Variants in ATP5PB observed in about 807,000 individuals in gnomAD.
ATP5PB encodes ATP synthase peripheral stalk subunit b, mitochondrial.
ATP5PB carries 21 observed loss-of-function variants against 34.5 expected under a neutral mutation model. That is an observed-to-expected ratio of 0.61 (90% CI 0.43 to 0.88). The LOEUF (loss-of-function observed/expected upper bound fraction) is 0.88, where lower values mean the gene tolerates loss of function less well. Ranked by LOEUF, ATP5PB falls within the 40% of genes least tolerant of loss-of-function variation. ATP5PB has a pLI of 0.00. For missense variants in ATP5PB, 293 were observed against 317.4 expected, an observed-to-expected ratio of 0.92 and a Z score of 0.58; for synonymous variants, 108 against 114.1, an observed-to-expected ratio of 0.95 and a Z score of 0.34.
At chr1:111,460,056 C>G (rs1203565257) in intron 6 of ATP5PB, among the ~76,000 whole-genome samples, 2 of 152,134 alleles carry the variant, frequency 1.3e-5, no homozygotes, top group East Asian at 3.9e-4. Flanking sequence ...TTCAGCTACT[C>G]AGGAGGCTGA....
At chr1:111,456,279 T>C in intron 4 of ATP5PB, 30 bp downstream of exon 4, 1 of 1,540,484 alleles carries the variant, frequency 6.5e-7, no homozygotes, top group Non-Finnish European at 8.8e-7. Context: ...TTTCCTATTT[T>C]AGACTAGCAG....
intron 3 of ATP5PB, among the ~76,000 whole-genome samples, chr1:111,455,697 T>C (rs1653452181): frequency 6.6e-6 from 1 of 152,248 alleles, no homozygotes; most frequent in Admixed American, 6.5e-5. Context: ...ATAAATAGTA[T>C]ATTTTGCTGG....
rs10489793 is a variant in ATP5PB, at chr1:111,461,500, C to G, written c.*506C>G. The G allele has an allele frequency of 0.29, 43,628 of 153,020 alleles. 6,503 individuals carry two copies. Among genetic ancestry groups the G allele is most frequent in the South Asian group, 0.4 (1,975 of 4,944 alleles). The allele number at this position is 153,020 out of a possible 1,614,324, so 9.5% of individuals were successfully genotyped here. ...AAGCTTTCTAGTACTCTTAAAATAA[C>G]TAAATGGAGTATTATATATCAATTC... is the stretch of plus-strand genomic sequence containing the variant. On this transcript the variant is annotated 3_prime_UTR_variant, in exon 7 of 7. Coordinates refer to ENST00000369722, the MANE Select transcript of ATP5PB (RefSeq NM_001688.5).
chr1:111,456,337 G>A, intron 4 of ATP5PB, 88 bp downstream of exon 4: 2 of 1,324,918 alleles, frequency 1.5e-6, no homozygotes, highest in South Asian at 1.7e-5. Flanking sequence ...TGTTAGGGGA[G>A]CAACATATAG....
Position 111,454,284 on chromosome 1 carries a change from G to C in ATP5PB, c.151G>C (p.Gly51Arg), listed in dbSNP as rs140312350. 2 of 1,613,438 alleles carry C rather than the reference G, an allele frequency of 1.2e-6. No homozygotes were observed. The highest frequency in any genetic ancestry group is 2.2e-5 in the South Asian group (2 of 90,928). Residue 51 changes from glycine to arginine, a missense_variant, in exon 3 of 7, where the codon GGA becomes CGA. By Grantham distance (125) the Gly-to-Arg change is moderately radical (BLOSUM62 -2). Coordinates refer to ENST00000369722, the MANE Select transcript of ATP5PB (RefSeq NM_001688.5). ...LVPVPPLPEY[G>R]GKVRYGLIPE... ...CCCTGTACCACCTCTTCCTGAATAC[G>C]GAGGAAAAGTTCGTTATGGACTGAT...
chr1:111,456,203 A>C lies in ATP5PB; in HGVS notation c.341A>C (p.Lys114Thr). Residue 114 changes from lysine to threonine, a missense_variant, in exon 4 of 7, where the codon AAA becomes ACA. Physicochemically the swap from Lys to Thr is moderately conservative, Grantham distance 78. Transcript: ENST00000369722. ...CTAGGTGTAATGGTCTATGGAATTAAAAAATATGGTCCCTTTGTTGCAGAC... is the reference window on the plus strand; with the variant it reads ...CTAGGTGTAATGGTCTATGGAATTACAAAATATGGTCCCTTTGTTGCAGAC... ...SVLGVMVYGI[K>T]KYGPFVADFA... 1.9e-6 allele frequency: 3 copies of C among 1,610,274 alleles called. No homozygotes were observed. Among genetic ancestry groups the C allele is most frequent in the Non-Finnish European group, 2.5e-6 (3 of 1,178,540 alleles).
chr1:111,450,181 C>T (rs1653277263), intron 2 of ATP5PB, among the ~76,000 whole-genome samples: 1 of 152,226 alleles, frequency 6.6e-6, no homozygotes, highest in Non-Finnish European at 1.5e-5. Context: ...GTAGCTTCCA[C>T]AGCCTGAATC....
At position 111,459,483 on chromosome 1, in the gene ATP5PB, T is replaced by A; in HGVS notation, c.540T>A (p.Val180=). 1.9e-6 allele frequency: 3 copies of A among 1,610,230 alleles called. No homozygotes were observed. Among genetic ancestry groups the A allele is most frequent in the Non-Finnish European group, 1.7e-6 (2 of 1,177,888 alleles). Residue 180 remains valine (V), a synonymous_variant, in exon 6 of 7, where the codon GTT becomes GTA. Coordinates refer to ENST00000369722, the MANE Select transcript of ATP5PB (RefSeq NM_001688.5). ...ATAACATTGCTATGGCTTTGGAAGT[T>A]ACTTACCGGGAACGACTGTATAGAG... ...QRNNIAMALE[V]TYRERLYRVY... is the part of the protein sequence containing the mutation.
At chr1:111,460,280 T>C (rs1653581040) in intron 6 of ATP5PB, among the ~76,000 whole-genome samples, 1 of 152,210 alleles carries the variant, frequency 6.6e-6, no homozygotes, top group South Asian at 2.1e-4. Context: ...ACGGAAATGT[T>C]TTCTATTTGC....
At position 111,456,249 on chromosome 1, in the gene ATP5PB, G is replaced by A. The variant is rs1388118647; in HGVS notation, c.387G>A (p.Glu129=). Residue 129 remains glutamate, a splice_region_variant and synonymous_variant, in exon 4 of 7, where the codon GAG becomes GAA. Coordinates refer to ENST00000369722, the MANE Select transcript of ATP5PB (RefSeq NM_001688.5). Reference sequence around the variant, plus strand: ...CAGACTTTGCTGATAAACTCAATGAGGTAAGAACCATAAACTTTATTTCCT... The same window carrying A: ...CAGACTTTGCTGATAAACTCAATGAAGTAAGAACCATAAACTTTATTTCCT... ...FVADFADKLN[E]QKLAQLEEAK... is the part of the protein sequence containing the mutation. The A allele has an allele frequency of 1.6e-5, 26 of 1,580,278 alleles. No individual in the cohort carries two copies. Among genetic ancestry groups the A allele is most frequent in the Non-Finnish European group, 2.1e-5 (25 of 1,165,958 alleles).
intron 4 of ATP5PB, 122 bp downstream of exon 4, chr1:111,456,371 A>C: frequency 8.5e-7 from 1 of 1,174,620 alleles, no homozygotes; most frequent in Non-Finnish European, 1.2e-6. Context: ...GCTTCAAATA[A>C]GTGTTAACGT....
intron 2 of ATP5PB, among the ~76,000 whole-genome samples, chr1:111,451,158 A>G (rs1653318717): frequency 6.6e-6 from 1 of 152,170 alleles, no homozygotes; most frequent in South Asian, 2.1e-4. Context: ...TCCCACTTGA[A>G]TAAAATCCAA....
intron 3 of ATP5PB, among the ~76,000 whole-genome samples, chr1:111,455,391 T>G (rs1653443757): frequency 6.6e-6 from 1 of 152,216 alleles, no homozygotes; most frequent in Non-Finnish European, 1.5e-5. Context: ...TTATGATACA[T>G]CCTGCCATCC....
At chr1:111,458,632 A>G (rs375323826) in intron 5 of ATP5PB, among the ~76,000 whole-genome samples, 3 of 152,246 alleles carry the variant, frequency 2.0e-5, no homozygotes, top group East Asian at 1.9e-4. Flanking sequence ...TTAGGCTCCT[A>G]TAAGAACTTT....
intron 2 of ATP5PB, among the ~76,000 whole-genome samples, 161 bp downstream of exon 2, chr1:111,450,034 A>C (rs1292398405): frequency 1.3e-5 from 2 of 152,144 alleles, no homozygotes; most frequent in African/African-American, 4.8e-5. Context: ...TGTAACTGCC[A>C]GGAACGCTCT....
At chr1:111,453,255 A>G (rs1653383035) in intron 2 of ATP5PB, among the ~76,000 whole-genome samples, 1 of 152,194 alleles carries the variant, frequency 6.6e-6, no homozygotes, top group Non-Finnish European at 1.5e-5. Context: ...CTGCTTTAAT[A>G]CAAGAATAGT....
At chr1:111,453,057 T>C (rs1220772807) in intron 2 of ATP5PB, among the ~76,000 whole-genome samples, 3 of 152,146 alleles carry the variant, frequency 2.0e-5, no homozygotes, top group Non-Finnish European at 2.9e-5. Flanking sequence ...TGAAATAATG[T>C]AAATTCTTAT....
rs1653235158 is a variant in ATP5PB, at chr1:111,449,481, G to A, written c.-61G>A. On this transcript the variant is annotated 5_prime_UTR_variant, in exon 1 of 7. Coordinates refer to ENST00000369722, the MANE Select transcript of ATP5PB (RefSeq NM_001688.5). The stretch of plus-strand genomic sequence containing the variant: ...TGAGCGGCCATCTTGGTCCTGCCCT[G>A]ACAGATTCTCCTATCGGGGTCACAG... The A allele has an allele frequency of 1.2e-6, 2 of 1,614,086 alleles. No homozygotes were observed. The highest frequency in any genetic ancestry group is 2.7e-5 in the African/African-American group (2 of 74,946).
intron 5 of ATP5PB, among the ~76,000 whole-genome samples, chr1:111,458,790 C>T (rs779006022): frequency 2.0e-5 from 3 of 152,192 alleles, no homozygotes; most frequent in Non-Finnish European, 4.4e-5. Flanking sequence ...TGTAGCCTTA[C>T]TGCCTGTATG....
Sources: gnomAD v4.1 joint callset for allele counts (sites outside exome capture counted in the v4.1 genomes callset) on GRCh38, gnomAD v4.1.1 for gene constraint, MANE v1.5 for transcripts, NCBI Gene and HGNC (gene_info 2026-07-23, HGNC 2026-07-21) for gene names.